The following SIGLECL1 variants were observed in gnomAD, a reference collection of about 807,000 sequenced individuals.
The protein encoded by SIGLECL1 is SIGLEC family-like protein 1.
Under a neutral mutation model 19.1 loss-of-function variants are expected in SIGLECL1, and 16 were observed. That is an observed-to-expected ratio of 0.84 (90% confidence interval 0.57 to 1.27). SIGLECL1 has a LOEUF of 1.27. Ranked by LOEUF, SIGLECL1 falls within the 50% of genes most tolerant of loss-of-function variation. The pLI is 0.00. For missense variants in SIGLECL1, 210 were observed against 239.4 expected, an observed-to-expected ratio of 0.88 and a Z score of 0.81; for synonymous variants, 89 against 90.4, an observed-to-expected ratio of 0.98 and a Z score of 0.09.
chr19:51,268,877 A>C lies in SIGLECL1; in HGVS notation c.*280A>C, dbSNP rs560854921. 2.6e-6 allele frequency: 1 copy of C among 380,654 alleles called. No homozygotes were observed. The highest frequency in any genetic ancestry group is 4.2e-5 in the Admixed American group (1 of 23,882). 23.6% of individuals were successfully genotyped at this position (380,654 alleles called of 1,614,324 possible). A position where few individuals can be genotyped will look rare whatever the true frequency, so the allele number is the denominator to read the frequency against. ...AGAAGAAATCTGTGCCACCCTGGGA[A>C]GGTGTCAAAAGAAGGAAAAATACAT... On this transcript the variant is annotated 3_prime_UTR_variant, in exon 6 of 6. Coordinates refer to ENST00000601727, the MANE Select transcript of SIGLECL1 (RefSeq NM_001385465.1).
chr19:51,257,820 C>G (rs570407775), intron 1 of SIGLECL1: 1 of 152,336 alleles, frequency 6.6e-6, no homozygotes, highest in South Asian at 2.1e-4. Flanking sequence ...TCAGGAGGAG[C>G]TGGATGCTAA....
At chr19:51,254,261 C>T (rs998744445) in intron 1 of SIGLECL1, among the ~76,000 whole-genome samples, 6 of 150,540 alleles carry the variant, frequency 4.0e-5, no homozygotes, top group Admixed American at 6.7e-5. Context: ...CTCAGGAGTT[C>T]GAGGCTGTAG....
At chr19:51,255,492 G>A (rs886252302) in intron 1 of SIGLECL1, among the ~76,000 whole-genome samples, 1 of 152,172 alleles carries the variant, frequency 6.6e-6, no homozygotes, top group Admixed American at 6.5e-5. Context: ...TCAACAGAGT[G>A]AAGAGACAAC....
upstream of SIGLECL1, among the ~76,000 whole-genome samples, chr19:51,248,632 A>C (rs10426210): frequency 0.033 from 4,965 of 152,324 alleles, 255 homozygotes; most frequent in African/African-American, 0.11. Context: ...AGACACATTA[A>C]AATTTTAAAG....
chr19:51,260,192 G>A (rs1264025716), intron 1 of SIGLECL1, among the ~76,000 whole-genome samples: 2 of 152,204 alleles, frequency 1.3e-5, no homozygotes, highest in Non-Finnish European at 1.5e-5. Flanking sequence ...AAAATAAACA[G>A]AGAAACAGAC....
upstream of SIGLECL1, among the ~76,000 whole-genome samples, chr19:51,250,732 A>G (rs964293519): frequency 4.6e-5 from 7 of 152,198 alleles, no homozygotes; most frequent in East Asian, 3.9e-4. Flanking sequence ...ATTGGCCCAC[A>G]AACTACCCTG....
chr19:51,266,831 C>T (rs1030546516), intron 4 of SIGLECL1, among the ~76,000 whole-genome samples: 1 of 152,114 alleles, frequency 6.6e-6, no homozygotes, highest in African/African-American at 2.4e-5. Context: ...TGGACTGAAT[C>T]CTCATTTCGG....
At chr19:51,256,569 T>G (rs1023544891) in intron 1 of SIGLECL1, among the ~76,000 whole-genome samples, 1 of 152,176 alleles carries the variant, frequency 6.6e-6, no homozygotes, top group African/African-American at 2.4e-5. Context: ...CTAGGCAGAA[T>G]GAATAAGTTC....
At chr19:51,260,386 T>C (rs1243906163) in intron 1 of SIGLECL1, among the ~76,000 whole-genome samples, 1 of 152,258 alleles carries the variant, frequency 6.6e-6, no homozygotes, top group Non-Finnish European at 1.5e-5. Flanking sequence ...GTTCATTCAA[T>C]ATTTTATTTG....
chr19:51,251,401 C>G lies in SIGLECL1; in HGVS notation c.-335C>G, dbSNP rs1982474091. 1 of 152,666 alleles carries G rather than the reference C, an allele frequency of 6.6e-6. No individual in the cohort carries two copies. Among genetic ancestry groups the G allele is most frequent in the Admixed American group, 6.5e-5 (1 of 15,282 alleles). 9.5% of individuals were successfully genotyped at this position (152,666 alleles called of 1,614,324 possible). ...GTGAGGCCCCTGAGAGCCCTTTGGT[C>G]AGACAGAGGCTAAATCTGAACAGTC... On this transcript the variant is annotated 5_prime_UTR_variant, in exon 1 of 6. Coordinates refer to ENST00000601727, the MANE Select transcript of SIGLECL1 (RefSeq NM_001385465.1).
chr19:51,247,353 T>C (rs960355202), upstream of SIGLECL1, among the ~76,000 whole-genome samples: 62 of 152,292 alleles, frequency 4.1e-4, no homozygotes, highest in African/African-American at 1.5e-3. Flanking sequence ...TGTATTCACA[T>C]AGATACTTGA....
At chr19:51,267,628 C>A in intron 5 of SIGLECL1, 99 bp downstream of exon 5, 1 of 1,374,218 alleles carries the variant, frequency 7.3e-7, no homozygotes, top group South Asian at 1.3e-5. Context: ...TTATCATCCT[C>A]AGTCTTGCAG....
intron 5 of SIGLECL1, among the ~76,000 whole-genome samples, chr19:51,268,243 C>T (rs904196009): frequency 9.2e-5 from 14 of 152,260 alleles, no homozygotes; most frequent in African/African-American, 2.9e-4. Context: ...GAGAAGGCAC[C>T]TTCACAGTAG....
chr19:51,257,203 T>TCAAGA (rs1202710157), intron 1 of SIGLECL1, among the ~76,000 whole-genome samples: 1 of 151,932 alleles, frequency 6.6e-6, no homozygotes, highest in Non-Finnish European at 1.5e-5. Context: ...GCCTAGGAGT[T>TCAAGA]CAAGACCAGC....
At chr19:51,261,798 A>G (rs1599796601) in intron 1 of SIGLECL1, among the ~76,000 whole-genome samples, 1 of 152,158 alleles carries the variant, frequency 6.6e-6, no homozygotes, top group African/African-American at 2.4e-5. Flanking sequence ...CAACCGTTCT[A>G]TTCTCTTTTG....
chr19:51,258,072 T>C (rs143911674), intron 1 of SIGLECL1, among the ~76,000 whole-genome samples: 179 of 152,350 alleles, frequency 1.2e-3, no homozygotes, highest in African/African-American at 4.0e-3. Flanking sequence ...CTCTATCCTT[T>C]AGTTGTAGTA....
intron 1 of SIGLECL1, among the ~76,000 whole-genome samples, chr19:51,255,387 G>A (rs780988380): frequency 6.6e-6 from 1 of 152,026 alleles, no homozygotes; most frequent in African/African-American, 2.4e-5. Context: ...TTGGGAAATA[G>A]TTATTTGGAT....
chr19:51,258,736 A>G (rs1403432642), intron 1 of SIGLECL1, among the ~76,000 whole-genome samples: 2 of 152,200 alleles, frequency 1.3e-5, no homozygotes, highest in African/African-American at 2.4e-5. Context: ...AACATTTCCA[A>G]GAGGGTGGAA....
chr19:51,262,077 T>C (rs1403070743), intron 1 of SIGLECL1, among the ~76,000 whole-genome samples: 2 of 152,234 alleles, frequency 1.3e-5, no homozygotes, highest in Non-Finnish European at 2.9e-5. Flanking sequence ...AAGTATGTTC[T>C]CCAGCCCTGC....
Sources: allele counts gnomAD v4.1 joint callset (sites outside exome capture counted in the v4.1 genomes callset), GRCh38; gene constraint gnomAD v4.1.1; transcripts MANE v1.5; gene names NCBI Gene and HGNC (gene_info 2026-07-23, HGNC 2026-07-21).